PLPPR1: variants seen among roughly 807,000 people sequenced by gnomAD.
The protein encoded by PLPPR1 is phospholipid phosphatase related 1, also known as phospholipid phosphatase-related protein type 1.
In PLPPR1, 10 loss-of-function variants were observed where a neutral mutation model predicts 33.1. The observed-to-expected ratio is 0.30, with a 90% CI of 0.19 to 0.51. The LOEUF (loss-of-function observed/expected upper bound fraction) is 0.51. PLPPR1 is among the 20% of genes least tolerant of loss of function. The pLI is 0.97. For missense variants in PLPPR1, 304 were observed against 408.1 expected, an observed-to-expected ratio of 0.74 and a Z score of 2.20; for synonymous variants, 151 against 151.0, an observed-to-expected ratio of 1.00 and a Z score of 0.00.
At chr9:101,248,605 T>C (rs961948589) in intron 2 of PLPPR1, among the ~76,000 whole-genome samples, 17 of 152,086 alleles carry the variant, frequency 1.1e-4, no homozygotes, top group African/African-American at 4.1e-4. Context: ...CAAGCATGGA[T>C]ATCCACAGAG....
intron 1 of PLPPR1, among the ~76,000 whole-genome samples, chr9:101,067,260 C>G (rs1830430229): frequency 6.6e-6 from 1 of 151,874 alleles, no homozygotes; most frequent in African/African-American, 2.4e-5. Flanking sequence ...AAGGCAGGAC[C>G]TATATTTAGT....
intron 3 of PLPPR1, among the ~76,000 whole-genome samples, chr9:101,278,726 G>T (rs997040846): frequency 1.6e-4 from 24 of 152,246 alleles, no homozygotes; most frequent in African/African-American, 5.8e-4. Context: ...GTCCTGGGTG[G>T]GACCCTGCAG....
intron 1 of PLPPR1, among the ~76,000 whole-genome samples, chr9:101,162,036 C>T (rs796674166): frequency 1.3e-5 from 2 of 151,452 alleles, no homozygotes; most frequent in South Asian, 2.1e-4. Flanking sequence ...CTAGCTTTGA[C>T]ACTTGTTAGC....
intron 2 of PLPPR1, among the ~76,000 whole-genome samples, chr9:101,237,809 T>A (rs1827337580): frequency 1.0e-5 from 1 of 95,494 alleles, no homozygotes; most frequent in Non-Finnish European, 1.9e-5. Context: ...TAGTATTCCA[T>A]TGTGTGCATA....
chr9:101,264,689 G>A (rs1208470832), intron 2 of PLPPR1, among the ~76,000 whole-genome samples: 3 of 152,198 alleles, frequency 2.0e-5, no homozygotes, highest in Non-Finnish European at 4.4e-5. Context: ...GATAGCTCAT[G>A]GCCGAACCAG....
At chr9:101,035,786 G>A (rs74792130) in intron 1 of PLPPR1, among the ~76,000 whole-genome samples, 2,498 of 152,194 alleles carry the variant, frequency 0.016, 35 homozygotes, top group African/African-American at 0.04. Context: ...AAAATCATAG[G>A]ATTGTCCCAA....
At chr9:101,175,142 T>C (rs1299223454) in intron 1 of PLPPR1, among the ~76,000 whole-genome samples, 2 of 152,100 alleles carry the variant, frequency 1.3e-5, no homozygotes, top group Non-Finnish European at 2.9e-5. Flanking sequence ...GAAATGCTTC[T>C]CTCTCTCATG....
At chr9:101,233,570 T>C (rs1266874721) in intron 2 of PLPPR1, among the ~76,000 whole-genome samples, 1 of 151,966 alleles carries the variant, frequency 6.6e-6, no homozygotes, top group Non-Finnish European at 1.5e-5. Context: ...GATTAGGCCA[T>C]GAAGGCTCCA....
chr9:101,306,825 C>A (rs1414561601), intron 4 of PLPPR1, among the ~76,000 whole-genome samples: 1 of 152,108 alleles, frequency 6.6e-6, no homozygotes, highest in Non-Finnish European at 1.5e-5. Context: ...TACTGGAGAC[C>A]AAATGGTGTT....
intron 3 of PLPPR1, among the ~76,000 whole-genome samples, chr9:101,284,991 A>C (rs13296052): frequency 6.6e-6 from 1 of 151,950 alleles, no homozygotes; most frequent in Non-Finnish European, 1.5e-5. Context: ...TGCCCCATGC[A>C]CCATCCATAT....
At chr9:101,315,922 T>G (rs114198418) in intron 6 of PLPPR1, among the ~76,000 whole-genome samples, 5,516 of 152,310 alleles carry the variant, frequency 0.036, 346 homozygotes, top group African/African-American at 0.12. Flanking sequence ...GGGAAGGAAG[T>G]TATTAGCTGA....
At chr9:101,262,578 T>C (rs533481561) in intron 2 of PLPPR1, among the ~76,000 whole-genome samples, 2 of 152,300 alleles carry the variant, frequency 1.3e-5, no homozygotes, top group South Asian at 4.1e-4. Flanking sequence ...AGTTCAACCA[T>C]TGTGGAAGAC....
chr9:101,200,994 G>T (rs1338355704), intron 2 of PLPPR1, among the ~76,000 whole-genome samples: 1 of 152,102 alleles, frequency 6.6e-6, no homozygotes, highest in African/African-American at 2.4e-5. Flanking sequence ...TATTTTTCAT[G>T]GTTCTGGAGG....
intron 1 of PLPPR1, among the ~76,000 whole-genome samples, chr9:101,031,483 C>T (rs989697659): frequency 7.2e-5 from 11 of 152,172 alleles, no homozygotes; most frequent in South Asian, 2.1e-4. Context: ...GAGCTCTTAA[C>T]GTGTATGCTG....
At position 101,155,740 on chromosome 9, in the gene PLPPR1, C is replaced by G. The variant is rs369224157; in HGVS notation, c.-45-29710C>G. Among the ~76,000 whole-genome samples the G allele has an allele frequency of 3.9e-5, 6 of 152,262 alleles. No homozygotes were observed. In the South Asian group the frequency reaches 1.2e-3, roughly 32 times the overall value. On this transcript the variant is annotated intron_variant, in intron 1 of 7. Coordinates refer to ENST00000374874, the MANE Select transcript of PLPPR1 (RefSeq NM_207299.2). Reference sequence around the variant, plus strand: ...TCAGCCTCCCAAGTAGCTGGGATTACAGGCATGCGCCACCACACCTAGCTA... The same window carrying G: ...TCAGCCTCCCAAGTAGCTGGGATTAGAGGCATGCGCCACCACACCTAGCTA...
intron 3 of PLPPR1, among the ~76,000 whole-genome samples, chr9:101,276,922 C>T (rs1828207956): frequency 2.0e-5 from 3 of 152,200 alleles, no homozygotes; most frequent in South Asian, 4.1e-4. Flanking sequence ...GTGTCTAGAG[C>T]TGAATTGCAT....
At chr9:101,117,845 A>G (rs1056714538) in intron 1 of PLPPR1, among the ~76,000 whole-genome samples, 1 of 152,182 alleles carries the variant, frequency 6.6e-6, no homozygotes, top group African/African-American at 2.4e-5. Context: ...CTGAGCACTC[A>G]ATAAACATTC....
At chr9:101,158,933 G>T (rs1027001224) in intron 1 of PLPPR1, among the ~76,000 whole-genome samples, 7 of 152,152 alleles carry the variant, frequency 4.6e-5, no homozygotes, top group African/African-American at 1.7e-4. Flanking sequence ...GTGAATGGAG[G>T]CATGGCATTG....
rs560758900 is a variant in PLPPR1, at chr9:101,052,327, T to A, written c.-46+23225T>A. 3.9e-5 allele frequency among the ~76,000 whole-genome samples: 6 copies of A among 152,314 alleles called. No homozygotes were observed. The South Asian group carries it at 1.2e-3, about 32-fold the overall frequency. ...CCCCTTGGGGAACTTTGGGCATGTC[T>A]AGAGACATTTTTAGCTGCCACAATG... On this transcript the variant is annotated intron_variant, in intron 1 of 7. Coordinates refer to ENST00000374874, the MANE Select transcript of PLPPR1 (RefSeq NM_207299.2).
Sources: allele counts gnomAD v4.1 joint callset (sites outside exome capture counted in the v4.1 genomes callset), GRCh38; gene constraint gnomAD v4.1.1; transcripts MANE v1.5; gene names NCBI Gene and HGNC (gene_info 2026-07-23, HGNC 2026-07-21).